Variants in KHDRBS2 observed in about 807,000 individuals in gnomAD.
KHDRBS2 encodes KH domain-containing, RNA-binding, signal transduction-associated protein 2.
In KHDRBS2, 26 loss-of-function variants were observed where a neutral mutation model predicts 44.3. The observed-to-expected ratio is 0.59, with a 90% CI of 0.43 to 0.81. The LOEUF is 0.81. Ranked by LOEUF, KHDRBS2 falls within the 40% of genes least tolerant of loss-of-function variation. The pLI is 0.00. For missense variants in KHDRBS2, 476 were observed against 433.1 expected, an observed-to-expected ratio of 1.10 and a Z score of -0.88; for synonymous variants, 194 against 151.1, an observed-to-expected ratio of 1.28 and a Z score of -2.08.
At chr6:62,054,051 A>C (rs1345525730) in intron 2 of KHDRBS2, among the ~76,000 whole-genome samples, 1 of 152,068 alleles carries the variant, frequency 6.6e-6, no homozygotes, top group Non-Finnish European at 1.5e-5. Context: ...GTTGAGAGAT[A>C]TATTGTGTTC....
chr6:61,699,012 C>A (rs1768247349), intron 7 of KHDRBS2, among the ~76,000 whole-genome samples: 1 of 152,046 alleles, frequency 6.6e-6, no homozygotes, highest in Admixed American at 6.6e-5. Context: ...CACAAACACC[C>A]ATTTGCTTAT....
chr6:61,607,008 T>C, the KHDRBS2 span, among the ~76,000 whole-genome samples: 19 of 151,948 alleles, frequency 1.3e-4, no homozygotes, highest in African/African-American at 4.4e-4. Context: ...TAAAATAGAG[T>C]TATCAAATAA....
At chr6:61,848,834 T>C (rs552768866) in intron 6 of KHDRBS2, among the ~76,000 whole-genome samples, 1 of 151,792 alleles carries the variant, frequency 6.6e-6, no homozygotes, top group East Asian at 1.9e-4. Flanking sequence ...TTTTAATTTA[T>C]ATTTCGACCT....
rs1554284675 is a variant in KHDRBS2 at position 61,945,150 on chromosome 6, T to TACACACAC, written c.483+32915_483+32916insGTGTGTGT. On this transcript the variant is annotated intron_variant, in intron 4 of 8. Transcript: ENST00000281156. ...ATATATATATATATATATATATATA[T>TACACACAC]ACACACAGACTTGTCTTGATAAAGT... 7.5e-4 allele frequency among the ~76,000 whole-genome samples: 65 copies of TACACACAC among 86,994 alleles called. 2 individuals are homozygous for TACACACAC. The highest frequency in any genetic ancestry group is 1.9e-3 in the African/African-American group (45 of 23,344). 57.1% of individuals were successfully genotyped at this position (86,994 alleles called of 152,430 possible). A position where few individuals can be genotyped will look rare whatever the true frequency, so the allele number is the denominator to read the frequency against.
intron 4 of KHDRBS2, among the ~76,000 whole-genome samples, chr6:61,910,705 C>T (rs73487391): frequency 0.088 from 13,342 of 152,128 alleles, 600 homozygotes; most frequent in Middle Eastern, 0.15. Flanking sequence ...AAAAAACTTA[C>T]GTACTTGGTG....
intron 3 of KHDRBS2, among the ~76,000 whole-genome samples, chr6:61,983,181 GTAAT>G (rs1409085304): frequency 1.4e-5 from 1 of 70,630 alleles, no homozygotes; most frequent in Non-Finnish European, 2.8e-5. Flanking sequence ...GCAATTTTGA[GTAAT>G]TAAAGTTTTT....
intron 6 of KHDRBS2, among the ~76,000 whole-genome samples, chr6:61,802,552 G>A (rs901582841): frequency 2.0e-5 from 3 of 152,038 alleles, no homozygotes; most frequent in Non-Finnish European, 4.4e-5. Context: ...CTCCTAATCT[G>A]TACACAATAA....
chr6:61,880,389 G>A (rs895604946), intron 6 of KHDRBS2, among the ~76,000 whole-genome samples: 39 of 151,890 alleles, frequency 2.6e-4, no homozygotes, highest in African/African-American at 8.9e-4. Context: ...TTTATTTTAG[G>A]GGTAATATCT....
chr6:61,821,073 A>T (rs1257974640), intron 6 of KHDRBS2, among the ~76,000 whole-genome samples: 2 of 151,852 alleles, frequency 1.3e-5, no homozygotes. Flanking sequence ...TTTGTCTATT[A>T]TTTTTTCCCT....
chr6:62,082,326 T>TA (rs2127355952), intron 2 of KHDRBS2, among the ~76,000 whole-genome samples: 1 of 152,058 alleles, frequency 6.6e-6, no homozygotes, highest in Admixed American at 6.6e-5. Context: ...TGTGTGTGTG[T>TA]GTGTGTGTGT....
chr6:61,850,430 A>T (rs1434646426), intron 6 of KHDRBS2, among the ~76,000 whole-genome samples: 3 of 152,206 alleles, frequency 2.0e-5, no homozygotes, highest in Non-Finnish European at 4.4e-5. Context: ...TATTATAAGC[A>T]AATAATTAGC....
At chr6:61,795,471 C>A (rs772031852) in intron 6 of KHDRBS2, among the ~76,000 whole-genome samples, 28 of 148,978 alleles carry the variant, frequency 1.9e-4, no homozygotes, top group Non-Finnish European at 3.7e-4. Flanking sequence ...CAAGTGCTTG[C>A]ACATCTTAAA....
the KHDRBS2 span, among the ~76,000 whole-genome samples, chr6:61,667,769 G>C: frequency 2.6e-5 from 4 of 151,310 alleles, no homozygotes; most frequent in African/African-American, 9.7e-5. Context: ...ACTTCATTTA[G>C]TCACAGGCTA....
chr6:62,161,684 TA>T (rs1437271428), intron 2 of KHDRBS2, among the ~76,000 whole-genome samples: 1 of 151,720 alleles, frequency 6.6e-6, no homozygotes, highest in Non-Finnish European at 1.5e-5. Context: ...ACATGTTTTA[TA>T]GCATTTTTGT....
chr6:62,039,831 T>A (rs956758221), intron 3 of KHDRBS2, among the ~76,000 whole-genome samples: 5 of 152,122 alleles, frequency 3.3e-5, no homozygotes, highest in African/African-American at 1.2e-4. Context: ...GCTTTTGGGA[T>A]CCATCTAGCA....
chr6:62,186,275 T>C (rs1823396333), intron 1 of KHDRBS2, among the ~76,000 whole-genome samples: 1 of 152,126 alleles, frequency 6.6e-6, no homozygotes, highest in South Asian at 2.1e-4. Context: ...CTAAAACGGC[T>C]GTAAGGATTA....
chr6:61,798,298 A>G (rs192975727), intron 6 of KHDRBS2, among the ~76,000 whole-genome samples: 1 of 152,250 alleles, frequency 6.6e-6, no homozygotes, highest in African/African-American at 2.4e-5. Context: ...GCAGAATCAA[A>G]GAACCTCCTG....
the KHDRBS2 span, among the ~76,000 whole-genome samples, chr6:61,581,267 T>G: frequency 6.6e-6 from 1 of 152,144 alleles, no homozygotes; most frequent in Non-Finnish European, 1.5e-5. Flanking sequence ...ATTGGATGCT[T>G]GTGTTCTTTT....
At chr6:61,920,254 T>A (rs1413506486) in intron 4 of KHDRBS2, among the ~76,000 whole-genome samples, 2 of 151,956 alleles carry the variant, frequency 1.3e-5, no homozygotes, top group African/African-American at 4.8e-5. Flanking sequence ...ACTTTGTGGC[T>A]TACCGTGAAA....
Sources: gnomAD v4.1 joint callset for allele counts (sites outside exome capture counted in the v4.1 genomes callset) on GRCh38, gnomAD v4.1.1 for gene constraint, MANE v1.5 for transcripts, NCBI Gene and HGNC (gene_info 2026-07-23, HGNC 2026-07-21) for gene names.